FAM135B: variants seen among roughly 807,000 people sequenced by gnomAD.
The protein encoded by FAM135B is family with sequence similarity 135 member B, also known as protein FAM135B.
In FAM135B, 43 loss-of-function variants were observed where a neutral mutation model predicts 127.7. That is an observed-to-expected ratio of 0.34 (90% CI 0.26 to 0.43). The LOEUF is 0.43. FAM135B is among the 20% of genes least tolerant of loss of function. FAM135B has a pLI of 1.00. For missense variants in FAM135B, 1,558 were observed against 1,725.6 expected, an observed-to-expected ratio of 0.90 and a Z score of 1.72; for synonymous variants, 670 against 665.1, an observed-to-expected ratio of 1.01 and a Z score of -0.11.
intron 1 of FAM135B, among the ~76,000 whole-genome samples, chr8:138,395,410 G>A (rs1412622958): frequency 6.6e-6 from 1 of 152,010 alleles, no homozygotes; most frequent in Non-Finnish European, 1.5e-5. Context: ...GAGAGCTACA[G>A]AACCAAAGGA....
At chr8:138,406,596 T>A (rs1379205809) in intron 1 of FAM135B, among the ~76,000 whole-genome samples, 1 of 152,170 alleles carries the variant, frequency 6.6e-6, no homozygotes, top group Non-Finnish European at 1.5e-5. Flanking sequence ...GATGCAAGGC[T>A]GGTTCAATAC....
chr8:138,228,608 C>G (rs1819660976), intron 7 of FAM135B, among the ~76,000 whole-genome samples: 1 of 152,130 alleles, frequency 6.6e-6, no homozygotes, highest in South Asian at 2.1e-4. Context: ...ACAGGCTGAG[C>G]TGAACGACAG....
chr8:138,139,407 G>A (rs906025918), intron 17 of FAM135B, among the ~76,000 whole-genome samples: 8 of 152,126 alleles, frequency 5.3e-5, no homozygotes, highest in Admixed American at 3.3e-4. Context: ...TTTTCAATGC[G>A]AAAAGAATAT....
chr8:138,396,649 C>T (rs1832870566), intron 1 of FAM135B, among the ~76,000 whole-genome samples: 1 of 152,114 alleles, frequency 6.6e-6, no homozygotes, highest in African/African-American at 2.4e-5. Context: ...GACATCTGGC[C>T]AATAGTACAT....
intron 1 of FAM135B, among the ~76,000 whole-genome samples, chr8:138,447,108 C>T (rs1836214322): frequency 6.6e-6 from 1 of 151,654 alleles, no homozygotes; most frequent in African/African-American, 2.4e-5. Flanking sequence ...CAATGAGATA[C>T]CATCTCACAC....
intron 7 of FAM135B, among the ~76,000 whole-genome samples, chr8:138,201,081 C>G (rs1340442855): frequency 1.3e-5 from 2 of 152,202 alleles, no homozygotes; most frequent in Non-Finnish European, 2.9e-5. Flanking sequence ...TGCAGTGTCT[C>G]TGACAGCTGT....
chr8:138,382,985 C>T (rs754973842), intron 1 of FAM135B, among the ~76,000 whole-genome samples: 19 of 152,154 alleles, frequency 1.2e-4, no homozygotes, highest in African/African-American at 3.4e-4. Flanking sequence ...TGTAGGCATA[C>T]GTCTGGCCTG....
chr8:138,479,374 T>A (rs1814675738), intron 1 of FAM135B, among the ~76,000 whole-genome samples: 1 of 152,140 alleles, frequency 6.6e-6, no homozygotes, highest in African/African-American at 2.4e-5. Context: ...AACCCTCTAA[T>A]CACATGGTTG....
intron 1 of FAM135B, among the ~76,000 whole-genome samples, chr8:138,368,221 G>C (rs1830885565): frequency 6.6e-6 from 1 of 152,162 alleles, no homozygotes; most frequent in South Asian, 2.1e-4. Flanking sequence ...CCAGGAGTTA[G>C]ACCCAGGTGT....
At chr8:138,424,216 G>C (rs550329014) in intron 1 of FAM135B, among the ~76,000 whole-genome samples, 2 of 152,194 alleles carry the variant, frequency 1.3e-5, no homozygotes, top group South Asian at 4.1e-4. Context: ...AAATCACAAG[G>C]GTATTGATTG....
At chr8:138,172,557 T>G (rs1820558010) in intron 11 of FAM135B, among the ~76,000 whole-genome samples, 1 of 152,234 alleles carries the variant, frequency 6.6e-6, no homozygotes, top group South Asian at 2.1e-4. Flanking sequence ...TTTAGCCCCA[T>G]CTTTAATTTT....
chr8:138,437,498 T>G (rs570227192), intron 1 of FAM135B: 128 of 152,322 alleles, frequency 8.4e-4, no homozygotes, highest in African/African-American at 2.8e-3. Flanking sequence ...GGTGCCTTGT[T>G]TCTCCTTCCC....
intron 7 of FAM135B, among the ~76,000 whole-genome samples, chr8:138,236,527 G>A (rs1820289927): frequency 6.6e-6 from 1 of 152,074 alleles, no homozygotes; most frequent in Non-Finnish European, 1.5e-5. Context: ...GGTTAATGAT[G>A]GGGATGAGGA....
rs911538680 is a variant in FAM135B, at chr8:138,496,673, G to T, written c.-22C>A. 1 of 152,232 alleles carries T rather than the reference G, an allele frequency of 6.6e-6. No individual in the cohort carries two copies. Among genetic ancestry groups the T allele is most frequent in the African/African-American group, 2.4e-5 (1 of 41,424 alleles). 9.4% of individuals were successfully genotyped at this position (152,232 alleles called of 1,614,324 possible). A position where few individuals can be genotyped will look rare whatever the true frequency, so the allele number is the denominator to read the frequency against. ...GACCCCGAAGCGCTCTCACCTACCT[G>T]TCTCCACTGCAGGGCTCCCCTCTCT... On this transcript the variant is annotated splice_region_variant and 5_prime_UTR_variant, in exon 1 of 20. Transcript: ENST00000395297.
rs1430618674 is a variant in FAM135B at position 138,242,874 on chromosome 8, T to A, written c.669+68A>T. The A allele has an allele frequency of 2.0e-6, 3 of 1,535,430 alleles. No individual in the cohort carries two copies. Among genetic ancestry groups the A allele is most frequent in the African/African-American group, 1.4e-5 (1 of 71,910 alleles). ...GGGATGTTTCAAAGAAGCATGAATCTCATAGAACATACACTCTGCAAAGTA... is the reference window on the plus strand; with the variant it reads ...GGGATGTTTCAAAGAAGCATGAATCACATAGAACATACACTCTGCAAAGTA... On this transcript the variant is annotated intron_variant, in intron 7 of 19. Coordinates refer to ENST00000395297, the MANE Select transcript of FAM135B (RefSeq NM_015912.4). The surrounding 1 kb of genome is among the most constrained non-coding windows in gnomAD (Gnocchi z 9.6).
At chr8:138,393,528 C>T (rs1233923976) in intron 1 of FAM135B, among the ~76,000 whole-genome samples, 2 of 151,872 alleles carry the variant, frequency 1.3e-5, no homozygotes, top group Non-Finnish European at 2.9e-5. Context: ...GCAGAGTGAA[C>T]TTACTTCCTG....
intron 1 of FAM135B, among the ~76,000 whole-genome samples, chr8:138,392,386 G>A: frequency 6.6e-6 from 1 of 152,194 alleles, no homozygotes; most frequent in East Asian, 1.9e-4. Flanking sequence ...GAAGCCAGCA[G>A]TTGCAAGGGA....
In FAM135B at chr8:138,142,967, T is replaced by C. The variant is rs184154693; in HGVS notation, c.3638+45A>G. ...TTTATACAGCAAACACTCAAAAATG[T>C]CCCCCCTCTTCCCCCAGCATTAACT... On this transcript the variant is annotated intron_variant, in intron 16 of 19. Transcript: ENST00000395297. The C allele has an allele frequency of 6.6e-4, 647 of 985,612 alleles. 2 individuals carry two copies. The African/African-American group carries it at 9.3e-3, about 14-fold the overall frequency. 61.1% of individuals were successfully genotyped at this position (985,612 alleles called of 1,614,324 possible).
chr8:138,377,204 T>C (rs967060186), intron 1 of FAM135B, among the ~76,000 whole-genome samples: 3 of 152,224 alleles, frequency 2.0e-5, no homozygotes, highest in Non-Finnish European at 4.4e-5. Context: ...GATCTAACTA[T>C]ATATCAGCAT....
Sources: gnomAD v4.1 joint callset for allele counts (sites outside exome capture counted in the v4.1 genomes callset) on GRCh38, gnomAD v4.1.1 for gene constraint, Gnocchi (gnomAD v3.1) non-coding constraint, MANE v1.5 for transcripts, NCBI Gene and HGNC (gene_info 2026-07-23, HGNC 2026-07-21) for gene names.